The following COL4A2 variants were observed in gnomAD, a reference collection of about 807,000 sequenced individuals.
COL4A2 encodes collagen type IV alpha 2 chain.
A neutral mutation model predicts 200.2 loss-of-function variants in COL4A2; 99 were observed. That is an observed-to-expected ratio of 0.49 (90% CI 0.42 to 0.58). COL4A2 has a LOEUF of 0.58. Among genes scored for constraint, COL4A2 ranks in the 20% least tolerant of loss-of-function variants. The pLI is 0.00. For missense variants in COL4A2, 1,950 were observed against 2,314.1 expected, an observed-to-expected ratio of 0.84 and a Z score of 3.23; for synonymous variants, 897 against 900.6, an observed-to-expected ratio of 1.00 and a Z score of 0.07.
At chr13:110,332,178 T>C (rs943288091) in intron 3 of COL4A2, among the ~76,000 whole-genome samples, 4 of 152,234 alleles carry the variant, frequency 2.6e-5, no homozygotes, top group Admixed American at 2.0e-4. Context: ...GTCTAGAATA[T>C]ATTAGCAATG....
chr13:110,499,990 C>G (rs1448839512), intron 40 of COL4A2, among the ~76,000 whole-genome samples: 1 of 152,224 alleles, frequency 6.6e-6, no homozygotes, highest in African/African-American at 2.4e-5. Flanking sequence ...CACTCATGCC[C>G]TCAGGGCTAA....
intron 4 of COL4A2, among the ~76,000 whole-genome samples, chr13:110,387,982 T>C (rs1594185680): frequency 1.3e-5 from 2 of 152,322 alleles, no homozygotes; most frequent in Admixed American, 6.5e-5. Flanking sequence ...TCCAAACACG[T>C]GTGCCTCGGT....
chr13:110,439,928 T>C lies in COL4A2; in HGVS notation c.957+95T>C. 3.3e-6 allele frequency: 5 copies of C among 1,519,592 alleles called. No individual in the cohort carries two copies. The South Asian group carries it at 3.8e-5, about 12-fold the overall frequency. 94.1% of individuals were successfully genotyped at this position (1,519,592 alleles called of 1,614,324 possible). ...CTTGGCATCTCAGGAAAGAAAATTG[T>C]CTCCAGAAAAAAACATTGAAAATGG... On this transcript the variant is annotated intron_variant, in intron 16 of 47. Transcript: ENST00000360467.
At chr13:110,311,941 G>A (rs757362281) in intron 3 of COL4A2, among the ~76,000 whole-genome samples, 17 of 151,432 alleles carry the variant, frequency 1.1e-4, no homozygotes, top group Non-Finnish European at 1.8e-4. Flanking sequence ...GGCTGCCACC[G>A]CCTTCCCTGC....
intron 4 of COL4A2, among the ~76,000 whole-genome samples, chr13:110,393,828 G>A (rs982161002): frequency 4.6e-5 from 7 of 152,142 alleles, no homozygotes; most frequent in South Asian, 2.1e-4. Flanking sequence ...ACAGGGAGCC[G>A]AGATCGCACC....
chr13:110,483,210 T>C (rs531963035), intron 32 of COL4A2, among the ~76,000 whole-genome samples: 96 of 152,342 alleles, frequency 6.3e-4, no homozygotes, highest in Non-Finnish European at 7.3e-5. Context: ...GTTCAGATGC[T>C]TTTGTTCTGA....
At position 110,307,876 on chromosome 13, in the gene COL4A2, C is replaced by T; in HGVS notation, c.-28C>T. 1 of 1,607,488 alleles carries T rather than the reference C, an allele frequency of 6.2e-7. No homozygotes were observed. Among genetic ancestry groups the T allele is most frequent in the Non-Finnish European group, 8.5e-7 (1 of 1,176,646 alleles). ...CGCCTCTAGGCTAAGTGGGACTGAC[C>T]GGGGCCCAGAGTGGACGAACCGCCA... On this transcript the variant is annotated 5_prime_UTR_variant, in exon 2 of 48. Transcript: ENST00000360467. The surrounding 1 kb of genome is among the most constrained non-coding windows in gnomAD (Gnocchi z 5.0).
At chr13:110,509,563 G>A (rs1344256728) in intron 47 of COL4A2, among the ~76,000 whole-genome samples, 1 of 152,058 alleles carries the variant, frequency 6.6e-6, no homozygotes, top group Non-Finnish European at 1.5e-5. Context: ...GTGTCAGGAA[G>A]TAAGCTTTGG....
chr13:110,493,080 TGGGTG>T, intron 38 of COL4A2, 126 bp from the exon 39 acceptor site: 11 of 223,482 alleles, frequency 4.9e-5, no homozygotes, highest in South Asian at 1.5e-4. Context: ...GACACCCCCA[TGGGTG>T]AAATAACGAT....
intron 4 of COL4A2, among the ~76,000 whole-genome samples, chr13:110,359,295 T>C (rs1417999238): frequency 2.0e-5 from 3 of 152,252 alleles, no homozygotes; most frequent in Non-Finnish European, 4.4e-5. Context: ...AAAACTGATA[T>C]CTTTAAAACT....
At chr13:110,402,712 G>A (rs1349490576) in intron 4 of COL4A2, among the ~76,000 whole-genome samples, 1 of 152,196 alleles carries the variant, frequency 6.6e-6, no homozygotes, top group African/African-American at 2.4e-5. Context: ...CTCACCTTAC[G>A]GAGTGAGGAG....
intron 3 of COL4A2, among the ~76,000 whole-genome samples, chr13:110,355,817 GGCT>G: frequency 1.4e-4 from 4 of 28,372 alleles, no homozygotes; most frequent in Non-Finnish European, 3.0e-4. Flanking sequence ...GAGTGGGGAG[GGCT>G]GCACTAGCTC....
chr13:110,338,844 G>A (rs1005575735), intron 3 of COL4A2, among the ~76,000 whole-genome samples: 1 of 152,242 alleles, frequency 6.6e-6, no homozygotes, highest in Non-Finnish European at 1.5e-5. Flanking sequence ...CCTGAGCCGG[G>A]AGGTCACAAC....
chr13:110,357,680 ACT>A, intron 4 of COL4A2, 128 bp downstream of exon 4: 1 of 1,356,108 alleles, frequency 7.4e-7, no homozygotes, highest in Non-Finnish European at 1.0e-6. Flanking sequence ...ACTGGAGAGT[ACT>A]CACACAAACC....
chr13:110,503,459 C>A lies in COL4A2; in HGVS notation c.4116C>A (p.Pro1372=). 6.4e-7 allele frequency: 1 copy of A among 1,570,760 alleles called. No individual in the cohort carries two copies. Among genetic ancestry groups the A allele is most frequent in the East Asian group, 2.3e-5 (1 of 42,892 alleles). The change falls in exon 43 of 48, where the codon CCC becomes CCA. Residue 1372 remains proline, a synonymous_variant. Transcript: ENST00000360467. ...TGGGCGACAGAGGCCCCAAGGGACC[C>A]AAGGGAGACCCAGGATTCCCTGGTA... ...GAVGDRGPKG[P]KGDPGFPGAP...
At chr13:110,509,729 C>T (rs1170639980) in intron 47 of COL4A2, among the ~76,000 whole-genome samples, 1 of 152,188 alleles carries the variant, frequency 6.6e-6, no homozygotes, top group Non-Finnish European at 1.5e-5. Flanking sequence ...CAGACATTAT[C>T]CTCTGCACAC....
intron 3 of COL4A2, 57 bp from the exon 4 acceptor site, chr13:110,357,415 T>C: frequency 1.3e-6 from 2 of 1,548,650 alleles, no homozygotes; most frequent in East Asian, 2.4e-5. Flanking sequence ...TTTTAATACA[T>C]GTTGTAGTTG....
intron 27 of COL4A2, 70 bp downstream of exon 27, chr13:110,467,166 C>A: frequency 6.3e-7 from 1 of 1,590,398 alleles, no homozygotes. Flanking sequence ...GTGTCTCCCC[C>A]GCCCATCTTT....
intron 29 of COL4A2, among the ~76,000 whole-genome samples, chr13:110,475,701 G>A (rs890044927): frequency 2.1e-4 from 32 of 152,322 alleles, no homozygotes; most frequent in Non-Finnish European, 3.2e-4. Context: ...CAGGAGCAGC[G>A]TGCAGCGGGT....
Sources: gnomAD v4.1 joint callset for allele counts (sites outside exome capture counted in the v4.1 genomes callset) on GRCh38, gnomAD v4.1.1 for gene constraint, Gnocchi (gnomAD v3.1) non-coding constraint, MANE v1.5 for transcripts, NCBI Gene and HGNC (gene_info 2026-07-23, HGNC 2026-07-21) for gene names.